Variants in CLSTN2 observed in about 807,000 individuals in gnomAD.
CLSTN2 encodes calsyntenin-2.
Under a neutral mutation model 101.2 loss-of-function variants are expected in CLSTN2, and 48 were observed. The ratio of observed to expected loss-of-function variants is 0.47; its 90% CI spans 0.38 to 0.60. CLSTN2 has a LOEUF of 0.60. Among genes scored for constraint, CLSTN2 ranks in the 20% least tolerant of loss-of-function variants. CLSTN2 has a pLI of 0.00. For synonymous variants in CLSTN2, 481 were observed against 463.6 expected (o/e 1.04, Z -0.48); for missense variants, 1,160 against 1,238.2 (o/e 0.94, Z 0.95).
intron 2 of CLSTN2, among the ~76,000 whole-genome samples, chr3:140,368,232 G>A (rs1261743107): frequency 2.0e-5 from 3 of 152,138 alleles, no homozygotes; most frequent in African/African-American, 4.8e-5. Context: ...TTATGAATCT[G>A]TGTGCCCCCC....
chr3:140,310,908 G>A (rs2087161016), intron 2 of CLSTN2, among the ~76,000 whole-genome samples: 1 of 152,208 alleles, frequency 6.6e-6, no homozygotes, highest in Non-Finnish European at 1.5e-5. Flanking sequence ...ACCAGCCTCT[G>A]TGTTAGGTGC....
At chr3:140,390,222 C>G (rs531594512) in intron 2 of CLSTN2, among the ~76,000 whole-genome samples, 1 of 151,676 alleles carries the variant, frequency 6.6e-6, no homozygotes, top group South Asian at 2.1e-4. Context: ...TATTCTCTTT[C>G]TTTTATAATA....
intron 12 of CLSTN2, among the ~76,000 whole-genome samples, chr3:140,560,588 AC>A (rs1935891293): frequency 6.8e-6 from 1 of 146,568 alleles, no homozygotes; most frequent in Non-Finnish European, 1.5e-5. Flanking sequence ...GACCAGGAGG[AC>A]CCCGAGGGCT....
intron 2 of CLSTN2, among the ~76,000 whole-genome samples, chr3:140,236,302 A>G (rs2086416164): frequency 6.6e-6 from 1 of 152,170 alleles, no homozygotes; most frequent in African/African-American, 2.4e-5. Context: ...ATGTTGTTCC[A>G]CTGTCTTCTG....
intron 9 of CLSTN2, among the ~76,000 whole-genome samples, chr3:140,535,203 T>C (rs770660848): frequency 3.3e-5 from 5 of 152,194 alleles, no homozygotes; most frequent in Non-Finnish European, 5.9e-5. Flanking sequence ...ACTCTTTCAC[T>C]AAGAGGGAGA....
chr3:140,519,253 T>C (rs1934980078), intron 8 of CLSTN2, among the ~76,000 whole-genome samples: 1 of 152,232 alleles, frequency 6.6e-6, no homozygotes, highest in South Asian at 2.1e-4. Flanking sequence ...TTCGATTATG[T>C]GATCAATTCT....
chr3:140,072,866 T>C (rs1034454984), intron 1 of CLSTN2, among the ~76,000 whole-genome samples: 15 of 152,226 alleles, frequency 9.9e-5, no homozygotes, highest in South Asian at 2.1e-4. Flanking sequence ...GCCATCCTTA[T>C]GCTAATGAAC....
chr3:139,955,103 G>T (rs1935366476), intron 1 of CLSTN2, among the ~76,000 whole-genome samples: 5 of 34,538 alleles, frequency 1.4e-4, no homozygotes, highest in East Asian at 1.3e-3. Flanking sequence ...TGTATATATG[G>T]CAATATTGCT....
intron 2 of CLSTN2, among the ~76,000 whole-genome samples, chr3:140,195,345 TA>T (rs1462764794): frequency 1.3e-5 from 2 of 152,164 alleles, no homozygotes; most frequent in Non-Finnish European, 2.9e-5. Context: ...ATGTATGAGG[TA>T]AGAAGAAAAC....
chr3:140,486,042 C>T (rs1297402199), intron 8 of CLSTN2, among the ~76,000 whole-genome samples: 1 of 152,074 alleles, frequency 6.6e-6, no homozygotes, highest in Admixed American at 6.5e-5. Flanking sequence ...ATTGCTCACA[C>T]CGAGAGCTGT....
At chr3:140,470,530 T>C (rs73231219) in intron 8 of CLSTN2, among the ~76,000 whole-genome samples, 12,225 of 152,194 alleles carry the variant, frequency 0.08, 640 homozygotes, top group East Asian at 0.12. Context: ...GGCATAGGCA[T>C]AGGCATGGGG....
At chr3:140,085,840 T>C (rs1437603511) in intron 1 of CLSTN2, among the ~76,000 whole-genome samples, 1 of 152,194 alleles carries the variant, frequency 6.6e-6, no homozygotes, top group Non-Finnish European at 1.5e-5. Flanking sequence ...CTCAAAACTA[T>C]GGTGTGACAT....
At chr3:140,443,943 T>C (rs1933019976) in intron 5 of CLSTN2, among the ~76,000 whole-genome samples, 2 of 152,326 alleles carry the variant, frequency 1.3e-5, no homozygotes, top group Non-Finnish European at 2.9e-5. Flanking sequence ...TTCTGCAGTC[T>C]TCAGTGTCAA....
intron 1 of CLSTN2, among the ~76,000 whole-genome samples, chr3:140,104,670 A>C (rs1045581971): frequency 2.6e-5 from 4 of 152,214 alleles, no homozygotes; most frequent in African/African-American, 9.6e-5. Flanking sequence ...CTGACAAATA[A>C]AAAAATACAA....
chr3:140,467,307 A>G (rs1334813340), intron 8 of CLSTN2, among the ~76,000 whole-genome samples: 1 of 152,176 alleles, frequency 6.6e-6, no homozygotes, highest in Non-Finnish European at 1.5e-5. Flanking sequence ...GTGACTCCAA[A>G]GCTTTGAAGT....
intron 8 of CLSTN2, among the ~76,000 whole-genome samples, chr3:140,515,329 C>G (rs1171640668): frequency 6.6e-6 from 1 of 151,938 alleles, no homozygotes; most frequent in East Asian, 1.9e-4. Context: ...TTTAATTAGT[C>G]TTTTTATTGT....
At chr3:140,233,954 C>T (rs1164211554) in intron 2 of CLSTN2, among the ~76,000 whole-genome samples, 1 of 152,208 alleles carries the variant, frequency 6.6e-6, no homozygotes, top group Non-Finnish European at 1.5e-5. Flanking sequence ...TGACTTTTCT[C>T]ACGCCACAGT....
At chr3:140,288,525 C>A (rs544196760) in intron 2 of CLSTN2, among the ~76,000 whole-genome samples, 1 of 152,276 alleles carries the variant, frequency 6.6e-6, no homozygotes, top group African/African-American at 2.4e-5. Flanking sequence ...CTAATTGAGA[C>A]ACTTTTATTC....
At chr3:140,301,070 C>G (rs1474148893) in intron 2 of CLSTN2, among the ~76,000 whole-genome samples, 1 of 152,140 alleles carries the variant, frequency 6.6e-6, no homozygotes, top group Non-Finnish European at 1.5e-5. Context: ...CCCTTTTGCT[C>G]TATTCAAGCC....
Sources: gnomAD v4.1 joint callset for allele counts (sites outside exome capture counted in the v4.1 genomes callset) on GRCh38, gnomAD v4.1.1 for gene constraint, MANE v1.5 for transcripts, NCBI Gene and HGNC (gene_info 2026-07-23, HGNC 2026-07-21) for gene names.